Variants in PCDH15 observed in about 807,000 individuals in gnomAD.
PCDH15 encodes the protein protocadherin-15.
Under a neutral mutation model 178.5 loss-of-function variants are expected in PCDH15, and 129 were observed. The observed-to-expected ratio is 0.72, with a 90% CI of 0.63 to 0.84. PCDH15 has a LOEUF of 0.84. Among genes scored for constraint, PCDH15 ranks in the 40% least tolerant of loss-of-function variants. The pLI is 0.00. For missense variants in PCDH15, 2,230 were observed against 2,099.9 expected (o/e 1.06, Z -1.21); for synonymous variants, 800 against 732.0 (o/e 1.09, Z -1.50).
At chr10:54,178,045 T>C (rs1022395318) in intron 13 of PCDH15, among the ~76,000 whole-genome samples, 1 of 152,062 alleles carries the variant, frequency 6.6e-6, no homozygotes, top group Non-Finnish European at 1.5e-5. Flanking sequence ...TATATACGTA[T>C]TTGAAGAACG....
At chr10:53,932,499 A>G (rs1431500144) in intron 25 of PCDH15, among the ~76,000 whole-genome samples, 1 of 152,214 alleles carries the variant, frequency 6.6e-6, no homozygotes, top group African/African-American at 2.4e-5. Flanking sequence ...CTAGGCCAAC[A>G]TAAGGGCAGC....
chr10:54,751,338 A>G (rs998212817), intron 1 of PCDH15, among the ~76,000 whole-genome samples: 5 of 152,166 alleles, frequency 3.3e-5, no homozygotes, highest in African/African-American at 1.2e-4. Context: ...AGGTTTGTGT[A>G]ATTCTAAGTC....
At chr10:54,515,283 G>T (rs1285122329) in intron 3 of PCDH15, among the ~76,000 whole-genome samples, 1 of 152,186 alleles carries the variant, frequency 6.6e-6, no homozygotes, top group East Asian at 1.9e-4. Context: ...CCTTAATACT[G>T]CACTTTTCCA....
intron 1 of PCDH15, among the ~76,000 whole-genome samples, chr10:54,789,978 A>C (rs186824651): frequency 7.8e-4 from 118 of 152,038 alleles, no homozygotes; most frequent in African/African-American, 2.6e-3. Flanking sequence ...AAATACGACA[A>C]ACTTAACAAA....
intron 2 of PCDH15, among the ~76,000 whole-genome samples, chr10:55,548,772 A>C (rs1013061535): frequency 6.6e-6 from 1 of 152,132 alleles, no homozygotes; most frequent in African/African-American, 2.4e-5. Context: ...TGGGAAGTGA[A>C]AGGAGGAGAG....
chr10:54,090,706 ATTCTT>A (rs1483016002), intron 15 of PCDH15, among the ~76,000 whole-genome samples: 1 of 151,638 alleles, frequency 6.6e-6, no homozygotes, highest in South Asian at 2.1e-4. Context: ...TTTAATGTAT[ATTCTT>A]TTCTTTTTCT....
intron 2 of PCDH15, among the ~76,000 whole-genome samples, chr10:55,334,242 A>ATATGTGTGTGTGTG (rs1291195941): frequency 1.4e-5 from 1 of 72,142 alleles, no homozygotes; most frequent in African/African-American, 9.5e-5. Context: ...ATATATATAT[A>ATATGTGTGTGTGTG]TGTGTGTGTG....
chr10:55,395,196 TGAGAGAGAGAGAGAGAGA>T (rs55765914), intron 2 of PCDH15, among the ~76,000 whole-genome samples: 11 of 126,700 alleles, frequency 8.7e-5, no homozygotes, highest in Non-Finnish European at 1.3e-4. Context: ...TGTGTGTGTG[TGAGAGAGAGAGAGAGAGA>T]GAGAGAGAGA....
At chr10:53,920,809 T>C (rs1055667149) in intron 25 of PCDH15, among the ~76,000 whole-genome samples, 6 of 152,210 alleles carry the variant, frequency 3.9e-5, no homozygotes, top group Non-Finnish European at 8.8e-5. Context: ...AGAATTTTCC[T>C]GCTTGTTTGC....
intron 3 of PCDH15, among the ~76,000 whole-genome samples, chr10:54,427,142 A>T (rs1956358499): frequency 6.6e-6 from 1 of 151,410 alleles, no homozygotes; most frequent in African/African-American, 2.4e-5. Context: ...TGTTCACATT[A>T]TGGATTATCT....
At chr10:53,849,589 A>G (rs2078208558) in intron 28 of PCDH15, among the ~76,000 whole-genome samples, 1 of 152,036 alleles carries the variant, frequency 6.6e-6, no homozygotes, top group Non-Finnish European at 1.5e-5. Flanking sequence ...AATTGGCCGG[A>G]CGCGGTGGCT....
intron 2 of PCDH15, among the ~76,000 whole-genome samples, chr10:55,597,695 C>G (rs979533088): frequency 1.3e-5 from 2 of 152,100 alleles, no homozygotes; most frequent in African/African-American, 4.8e-5. Context: ...TCTGCTAATT[C>G]AACTTTTTTA....
intron 3 of PCDH15, among the ~76,000 whole-genome samples, chr10:54,449,007 C>T (rs929636252): frequency 6.6e-5 from 10 of 151,688 alleles, no homozygotes; most frequent in Non-Finnish European, 1.5e-4. Context: ...AGGCCTCCTC[C>T]TCCACTTTTT....
intron 26 of PCDH15, among the ~76,000 whole-genome samples, chr10:53,902,266 C>T (rs2082380289): frequency 6.6e-6 from 1 of 151,948 alleles, no homozygotes; most frequent in Non-Finnish European, 1.5e-5. Flanking sequence ...TTTTGCAAGC[C>T]CAACCCAATT....
chr10:54,432,435 G>A (rs1373530906), intron 3 of PCDH15, among the ~76,000 whole-genome samples: 1 of 152,064 alleles, frequency 6.6e-6, no homozygotes, highest in Non-Finnish European at 1.5e-5. Context: ...CACATCTATA[G>A]TGAAGTTATT....
chr10:53,946,921 C>T (rs1370856782), intron 23 of PCDH15, among the ~76,000 whole-genome samples: 13 of 152,124 alleles, frequency 8.5e-5, no homozygotes, highest in South Asian at 2.1e-4. Context: ...GGATTACAGG[C>T]GCCCACCACC....
intron 1 of PCDH15, among the ~76,000 whole-genome samples, chr10:55,246,794 ATTCTT>A (rs1272089495): frequency 2.0e-5 from 3 of 152,176 alleles, no homozygotes; most frequent in African/African-American, 4.8e-5. Flanking sequence ...AAGATCTAAC[ATTCTT>A]TTCTTTTTAG....
intron 3 of PCDH15, among the ~76,000 whole-genome samples, chr10:54,474,854 T>G (rs1184490128): frequency 6.6e-6 from 1 of 151,872 alleles, no homozygotes; most frequent in Non-Finnish European, 1.5e-5. Context: ...TTGAACAGAG[T>G]GAAAATTAAT....
chr10:55,216,457 G>T (rs565709506), intron 1 of PCDH15, among the ~76,000 whole-genome samples: 2 of 151,950 alleles, frequency 1.3e-5, no homozygotes, highest in South Asian at 2.1e-4. Context: ...AGAAGTGGAG[G>T]AATGGAAAGA....
Sources: gnomAD v4.1 joint callset for allele counts (sites outside exome capture counted in the v4.1 genomes callset) on GRCh38, gnomAD v4.1.1 for gene constraint, MANE v1.5 for transcripts, NCBI Gene and HGNC (gene_info 2026-07-23, HGNC 2026-07-21) for gene names.